DSC3: variants seen among roughly 807,000 people sequenced by gnomAD.
DSC3 encodes desmocollin 3, also known as desmocollin-3.
In DSC3, 97 loss-of-function variants were observed where a neutral mutation model predicts 89.5. The observed-to-expected ratio is 1.08, with a 90% confidence interval of 0.92 to 1.28. DSC3 has a LOEUF of 1.28. Among genes scored for constraint, DSC3 ranks in the 50% most tolerant of loss-of-function variants. The pLI, the probability that DSC3 is intolerant of heterozygous loss-of-function variation, is 0.00. For synonymous variants in DSC3, 436 were observed against 384.1 expected, an observed-to-expected ratio of 1.14 and a Z score of -1.58; for missense variants, 1,199 against 1,085.3, an observed-to-expected ratio of 1.10 and a Z score of -1.47.
Position 31,031,707 on chromosome 18 carries a change from T to C in DSC3, c.154+485A>G, listed in dbSNP as rs145366550. ...TTTTCCCTGGAGGCCCAAAATACTCTGTGTGTTCCAAGCTTTCCAAGGCCG... is the reference window on the plus strand; with the variant it reads ...TTTTCCCTGGAGGCCCAAAATACTCCGTGTGTTCCAAGCTTTCCAAGGCCG... On this transcript the variant is annotated intron_variant, in intron 2 of 15. Transcript: ENST00000360428. Among the ~76,000 whole-genome samples the C allele has an allele frequency of 1.3e-3, 192 of 152,326 alleles. 2 individuals carry two copies. Among genetic ancestry groups the C allele is most frequent in the African/African-American group, 4.3e-3 (178 of 41,570 alleles).
At chr18:31,039,065 A>G (rs1394116133) in intron 1 of DSC3, among the ~76,000 whole-genome samples, 1 of 151,928 alleles carries the variant, frequency 6.6e-6, no homozygotes, top group African/African-American at 2.4e-5. Flanking sequence ...AAGATATTTT[A>G]TAATAAAAAT....
intron 2 of DSC3, 66 bp downstream of exon 2, chr18:31,032,126 T>C: frequency 3.5e-6 from 4 of 1,138,008 alleles, no homozygotes; most frequent in Non-Finnish European, 4.0e-6. Flanking sequence ...AAAGGTATTA[T>C]ATCATGCTCT....
In DSC3 at chr18:30,994,204, TA is replaced by T. The variant is rs1984373249; in HGVS notation, c.2661del (p.Thr888HisfsTer2). On this transcript the variant is annotated frameshift_variant, in exon 16 of 16. Coordinates refer to ENST00000360428, the MANE Select transcript of DSC3 (RefSeq NM_001941.5). LOFTEE classifies it high-confidence loss of function. Reference sequence around the variant, plus strand: ...CTCTTTGTGCATGCTTCTGCTAATGTAATAAATTTGGGTTCCAAATTATTTA... The same window carrying T: ...CTCTTTGTGCATGCTTCTGCTAATGTATAAATTTGGGTTCCAAATTATTTA... ...DFLNNLEPKFITLAEACTKR is the reference protein window; with the variant it reads ...DFLNNLEPKFXTLAEACTKR 1.2e-6 allele frequency: 2 copies of T among 1,613,992 alleles called. No homozygotes were observed. Among genetic ancestry groups the T allele is most frequent in the African/African-American group, 2.7e-5 (2 of 74,926 alleles).
intron 1 of DSC3, among the ~76,000 whole-genome samples, chr18:31,032,583 T>TGTGTGTGCGTGTGCGTGTGC (rs1567961649): frequency 8.5e-6 from 1 of 118,086 alleles, no homozygotes; most frequent in Non-Finnish European, 1.7e-5. Context: ...TGTGTGTGTG[T>TGTGTGTGCGTGTGCGTGTGC]GTGTGTGCGT....
At chr18:31,029,479 C>T in intron 4 of DSC3, 30 bp downstream of exon 4, 2 of 1,613,090 alleles carry the variant, frequency 1.2e-6, no homozygotes, top group Non-Finnish European at 1.7e-6. Flanking sequence ...AGAATTAAAG[C>T]AACCCTGACC....
intron 5 of DSC3, among the ~76,000 whole-genome samples, chr18:31,025,163 C>A (rs962909528): frequency 7.9e-5 from 12 of 152,160 alleles, no homozygotes; most frequent in African/African-American, 2.9e-4. Flanking sequence ...ATCATTCCAT[C>A]AGAATCATGG....
At chr18:31,014,567 A>G (rs1265141714) in intron 9 of DSC3, among the ~76,000 whole-genome samples, 1 of 152,178 alleles carries the variant, frequency 6.6e-6, no homozygotes, top group South Asian at 2.1e-4. Context: ...AATGTAATAA[A>G]GAATCTATTG....
intron 4 of DSC3, among the ~76,000 whole-genome samples, chr18:31,026,838 T>C (rs1282508113): frequency 6.6e-6 from 1 of 152,114 alleles, no homozygotes; most frequent in Non-Finnish European, 1.5e-5. Flanking sequence ...AAAAATGATA[T>C]GTGCAAAATC....
intron 14 of DSC3, among the ~76,000 whole-genome samples, chr18:30,999,088 T>C (rs934331463): frequency 6.6e-6 from 1 of 152,332 alleles, no homozygotes; most frequent in East Asian, 1.9e-4. Context: ...ACTCCGACCC[T>C]CTGAGCCATA....
rs564416812 is a variant in DSC3 at position 31,016,188 on chromosome 18, A to C, written c.1263+1883T>G. ...CCACCCCTTATTTAGCATATAATTAAGGAGTAGTTATAAATACAGCTAGCC... is the reference window on the plus strand; with the variant it reads ...CCACCCCTTATTTAGCATATAATTACGGAGTAGTTATAAATACAGCTAGCC... On this transcript the variant is annotated intron_variant, in intron 9 of 15. Transcript: ENST00000360428. Among the ~76,000 whole-genome samples, 5 of 152,286 alleles carry C rather than the reference A, an allele frequency of 3.3e-5. No homozygotes were observed. The South Asian group carries it at 1.0e-3, about 32-fold the overall frequency.
chr18:31,018,752 G>T lies in DSC3; in HGVS notation c.991C>A (p.Gln331Lys). 3.1e-6 allele frequency: 5 copies of T among 1,613,676 alleles called. No homozygotes were observed. The highest frequency in any genetic ancestry group is 4.2e-6 in the Non-Finnish European group (5 of 1,179,848). The part of the protein sequence containing the change: ...LIMKVQDMDG[Q>K]FFGLIGTSTC... The stretch of plus-strand genomic sequence containing the variant: ...GATGTGCCTATCAATCCAAAAAACT[G>T]GCCATCCATGTCTTGTACTTTCATT... Residue 331 changes from glutamine to lysine, a missense_variant, in exon 8 of 16, where the codon CAG (glutamine) becomes AAG (lysine). Gln to Lys is a moderately conservative substitution (Grantham distance 53). Transcript: ENST00000360428.
intron 1 of DSC3, among the ~76,000 whole-genome samples, chr18:31,036,027 G>A (rs151081226): frequency 0.012 from 1,801 of 152,142 alleles, 39 homozygotes; most frequent in African/African-American, 0.04. Flanking sequence ...TTCTCCTATT[G>A]ATGGTTATTT....
At chr18:31,034,675 T>C (rs1366599885) in intron 1 of DSC3, among the ~76,000 whole-genome samples, 1 of 152,138 alleles carries the variant, frequency 6.6e-6, no homozygotes, top group Non-Finnish European at 1.5e-5. Flanking sequence ...GTTCTATGCA[T>C]GCTACAACAA....
chr18:31,023,089 C>T lies in DSC3; in HGVS notation c.776-587G>A, dbSNP rs1985478157. Among the ~76,000 whole-genome samples the T allele has an allele frequency of 2.0e-5, 3 of 151,964 alleles. No homozygotes were observed. In the South Asian group the frequency reaches 6.2e-4, roughly 31 times the overall value. The stretch of plus-strand genomic sequence containing the variant: ...TTAAAGTACCTTGGGTTAAGCTGGG[C>T]ATCGAAGTGTTTGTCCTTTTTTTTT... On this transcript the variant is annotated intron_variant, in intron 6 of 15. Transcript: ENST00000360428.
At chr18:31,005,246 T>C (rs1053372250) in intron 12 of DSC3, among the ~76,000 whole-genome samples, 2 of 152,192 alleles carry the variant, frequency 1.3e-5, no homozygotes, top group African/African-American at 4.8e-5. Context: ...ACACTGTGTC[T>C]AAGGTAAGAT....
At position 31,024,353 on chromosome 18, in the gene DSC3, TCTA is replaced by T; in HGVS notation, c.768_770del (p.Ser256del). ...TATTCTTAAAAGCAGACTTACCAGG[TCTA>T]CTACTTTCCAAAACTTCAAAATTAT... On this transcript the variant is annotated inframe_deletion, in exon 6 of 16. Transcript: ENST00000360428. The T allele has an allele frequency of 6.2e-7, 1 of 1,601,142 alleles. No individual in the cohort carries two copies. Among genetic ancestry groups the T allele is most frequent in the South Asian group, 1.1e-5 (1 of 89,168 alleles).
intron 7 of DSC3, among the ~76,000 whole-genome samples, chr18:31,021,058 T>TG (rs1175179581): frequency 2.2e-5 from 3 of 135,252 alleles, no homozygotes; most frequent in African/African-American, 1.1e-4. Flanking sequence ...AATTCACTGT[T>TG]TTTTTTTTTT....
chr18:31,041,992 C>T (rs943274333), intron 1 of DSC3, among the ~76,000 whole-genome samples: 2 of 152,128 alleles, frequency 1.3e-5, no homozygotes, highest in Non-Finnish European at 2.9e-5. Context: ...CATCCCGCCC[C>T]CAGCTGGGTG....
In DSC3 at chr18:31,032,221, T is replaced by C. The variant is rs1327685768; in HGVS notation, c.125A>G (p.Lys42Arg). ...CKKVILNVPS[K>R]LEADKIIGRV... Reference sequence around the variant, plus strand: ...GCCAATTATTTTGTCTGCCTCTAGTTTAGAAGGTACATTAAGTATCACCTT... The same window carrying C: ...GCCAATTATTTTGTCTGCCTCTAGTCTAGAAGGTACATTAAGTATCACCTT... Residue 42 changes from lysine (K) to arginine (R), a missense_variant, in exon 2 of 16, where the codon AAA becomes AGA. Transcript: ENST00000360428. 1 of 1,613,726 alleles carries C rather than the reference T, an allele frequency of 6.2e-7. No homozygotes were observed. Among genetic ancestry groups the C allele is most frequent in the East Asian group, 2.2e-5 (1 of 44,830 alleles).
Sources: gnomAD v4.1 joint callset for allele counts (sites outside exome capture counted in the v4.1 genomes callset) on GRCh38, gnomAD v4.1.1 for gene constraint, MANE v1.5 for transcripts, NCBI Gene and HGNC (gene_info 2026-07-23, HGNC 2026-07-21) for gene names.